Variants in HSD17B12 observed in about 807,000 individuals in gnomAD.
HSD17B12 encodes the protein hydroxysteroid 17-beta dehydrogenase 12.
In HSD17B12, 32 loss-of-function variants were observed where a neutral mutation model predicts 39.3. That is an observed-to-expected ratio of 0.81 (90% CI 0.61 to 1.09). The LOEUF (loss-of-function observed/expected upper bound fraction) is 1.09. Ranked by LOEUF, HSD17B12 falls within the 50% of genes least tolerant of loss-of-function variation. The pLI is 0.00. For synonymous variants in HSD17B12, 150 were observed against 146.7 expected (o/e 1.02, Z -0.16); for missense variants, 342 against 382.9 (o/e 0.89, Z 0.89).
At chr11:43,709,988 C>T (rs1378205379) in intron 1 of HSD17B12, among the ~76,000 whole-genome samples, 1 of 152,260 alleles carries the variant, frequency 6.6e-6, no homozygotes, top group South Asian at 2.1e-4. Flanking sequence ...GGATGCTAGA[C>T]TGCCTGTGTT....
At chr11:43,728,713 A>T (rs1950242821) in intron 1 of HSD17B12, among the ~76,000 whole-genome samples, 1 of 152,164 alleles carries the variant, frequency 6.6e-6, no homozygotes, top group Non-Finnish European at 1.5e-5. Flanking sequence ...TCAATTAAAG[A>T]TCTTCTGGAG....
At chr11:43,642,416 C>G in the HSD17B12 span, among the ~76,000 whole-genome samples, 1 of 151,446 alleles carries the variant, frequency 6.6e-6, no homozygotes, top group African/African-American at 2.4e-5. Flanking sequence ...TTTAATATAT[C>G]AGTTTTTACC....
At chr11:43,750,990 T>C in intron 2 of HSD17B12, 33 bp downstream of exon 2, 1 of 1,432,852 alleles carries the variant, frequency 7.0e-7, no homozygotes, top group Non-Finnish European at 9.7e-7. Context: ...CCTTTTAATA[T>C]AAAAAATAAG....
At chr11:43,615,100 T>A in the HSD17B12 span, among the ~76,000 whole-genome samples, 1 of 152,112 alleles carries the variant, frequency 6.6e-6, no homozygotes, top group Non-Finnish European at 1.5e-5. Flanking sequence ...AGCGTTGAGT[T>A]TTATTCTGTC....
chr11:43,673,005 A>G, the HSD17B12 span: 1 of 152,236 alleles, frequency 6.6e-6, no homozygotes, highest in Non-Finnish European at 1.5e-5. Context: ...GGACAACTGA[A>G]TTTAAAGGCA....
the HSD17B12 span, chr11:43,670,540 T>G: frequency 1.3e-5 from 2 of 152,184 alleles, no homozygotes; most frequent in South Asian, 4.1e-4. Flanking sequence ...ATATTATGCT[T>G]TATATAACTA....
intron 3 of HSD17B12, among the ~76,000 whole-genome samples, chr11:43,762,803 A>G (rs1950565233): frequency 6.6e-6 from 1 of 152,228 alleles, no homozygotes; most frequent in African/African-American, 2.4e-5. Context: ...CTTAGCAATC[A>G]ATTTGTTCAT....
At chr11:43,566,950 C>T in the HSD17B12 span, among the ~76,000 whole-genome samples, 1 of 152,244 alleles carries the variant, frequency 6.6e-6, no homozygotes, top group African/African-American at 2.4e-5. Flanking sequence ...CTTCAGTAGA[C>T]TCTGTCTTGC....
chr11:43,606,279 G>T, the HSD17B12 span, among the ~76,000 whole-genome samples: 2 of 152,186 alleles, frequency 1.3e-5, no homozygotes, highest in East Asian at 3.9e-4. Context: ...AGATATGGGG[G>T]CAATTCACCT....
chr11:43,770,600 A>G (rs1211966478), intron 3 of HSD17B12, among the ~76,000 whole-genome samples: 1 of 152,146 alleles, frequency 6.6e-6, no homozygotes, highest in African/African-American at 2.4e-5. Context: ...GCCAGGCTTG[A>G]TGGTGTGCAC....
the HSD17B12 span, among the ~76,000 whole-genome samples, chr11:43,629,192 T>C: frequency 6.6e-6 from 1 of 152,164 alleles, no homozygotes; most frequent in South Asian, 2.1e-4. Context: ...AGGAATATCA[T>C]TGGAATATAA....
At chr11:43,590,658 A>G in the HSD17B12 span, among the ~76,000 whole-genome samples, 1 of 151,194 alleles carries the variant, frequency 6.6e-6, no homozygotes, top group South Asian at 2.1e-4. Context: ...CTACAGGTAC[A>G]TGCCACCATG....
chr11:43,646,661 T>C, the HSD17B12 span, among the ~76,000 whole-genome samples: 1 of 152,210 alleles, frequency 6.6e-6, no homozygotes, highest in Non-Finnish European at 1.5e-5. Flanking sequence ...CTTTGTTAAG[T>C]TTAGAGGTAA....
At chr11:43,657,733 A>C in the HSD17B12 span, among the ~76,000 whole-genome samples, 3 of 152,354 alleles carry the variant, frequency 2.0e-5, no homozygotes, top group South Asian at 6.2e-4. Context: ...ATTGACCCCC[A>C]GTCTCTTCTG....
At chr11:43,731,248 C>T (rs143701996) in intron 1 of HSD17B12, among the ~76,000 whole-genome samples, 104 of 152,306 alleles carry the variant, frequency 6.8e-4, no homozygotes, top group Non-Finnish European at 1.3e-3. Flanking sequence ...CTGCCCGCCT[C>T]GGCCTCCCAA....
At chr11:43,764,197 T>C (rs1004853047) in intron 3 of HSD17B12, among the ~76,000 whole-genome samples, 5 of 152,180 alleles carry the variant, frequency 3.3e-5, no homozygotes, top group African/African-American at 1.2e-4. Flanking sequence ...TATTTACCAA[T>C]ATTAGAAATG....
intron 9 of HSD17B12, among the ~76,000 whole-genome samples, chr11:43,843,048 T>C (rs1951441783): frequency 6.6e-6 from 1 of 152,220 alleles, no homozygotes. Flanking sequence ...TTTGATAAAC[T>C]TTTGTTTTTC....
chr11:43,604,187 A>T, the HSD17B12 span, among the ~76,000 whole-genome samples: 1 of 152,188 alleles, frequency 6.6e-6, no homozygotes, highest in Non-Finnish European at 1.5e-5. Flanking sequence ...AATAAAACAT[A>T]ATTATGAATA....
At chr11:43,718,573 T>C (rs188977835) in intron 1 of HSD17B12, 17 of 476,798 alleles carry the variant, frequency 3.6e-5, no homozygotes, top group Non-Finnish European at 6.0e-5. Context: ...GAGGAAGAAT[T>C]GGAAGCACTG....
Sources: allele counts gnomAD v4.1 joint callset (sites outside exome capture counted in the v4.1 genomes callset), GRCh38; gene constraint gnomAD v4.1.1; transcripts MANE v1.5; gene names NCBI Gene and HGNC (gene_info 2026-07-23, HGNC 2026-07-21).